The following KDM7A variants were observed in gnomAD, a reference collection of about 807,000 sequenced individuals.
KDM7A encodes lysine demethylase 7A.
Under a neutral mutation model 114.8 loss-of-function variants are expected in KDM7A, and 28 were observed. That is an observed-to-expected ratio of 0.24 (90% CI 0.18 to 0.33). KDM7A has a LOEUF of 0.33. Among genes scored for constraint, KDM7A ranks in the 10% least tolerant of loss-of-function variants. The probability of loss-of-function intolerance (pLI) is 1.00; values close to 1 mark genes in which losing one functional copy is unlikely to be tolerated. For synonymous variants in KDM7A, 423 were observed against 397.8 expected (o/e 1.06, Z -0.75); for missense variants, 942 against 1,142.5 (o/e 0.82, Z 2.53).
intron 1 of KDM7A, among the ~76,000 whole-genome samples, chr7:140,151,213 G>C (rs953034284): frequency 4.6e-5 from 7 of 152,170 alleles, no homozygotes; most frequent in Non-Finnish European, 7.3e-5. Flanking sequence ...AGGAACTATT[G>C]ATCTAAAACT....
chr7:140,106,089 A>G (rs1192437665), intron 11 of KDM7A, among the ~76,000 whole-genome samples: 1 of 152,222 alleles, frequency 6.6e-6, no homozygotes, highest in African/African-American at 2.4e-5. Flanking sequence ...AGGTGTTTAT[A>G]GTATTCTCTG....
intron 10 of KDM7A, 105 bp downstream of exon 10, chr7:140,113,386 C>T (rs989605460): frequency 9.0e-6 from 5 of 553,650 alleles, no homozygotes; most frequent in Non-Finnish European, 1.6e-5. Context: ...GATTTCTATT[C>T]CCTCTACTAC....
At chr7:140,139,722 A>C (rs1794239997) in intron 1 of KDM7A, among the ~76,000 whole-genome samples, 1 of 152,226 alleles carries the variant, frequency 6.6e-6, no homozygotes, top group Non-Finnish European at 1.5e-5. Flanking sequence ...AAACAGCAGA[A>C]ATCAATGACA....
At chr7:140,143,962 T>A (rs2116827142) in intron 1 of KDM7A, among the ~76,000 whole-genome samples, 1 of 152,332 alleles carries the variant, frequency 6.6e-6, no homozygotes, top group East Asian at 1.9e-4. Flanking sequence ...AAATTTCCAA[T>A]TCAATAAATA....
At chr7:140,142,327 G>A (rs1419664369) in intron 1 of KDM7A, among the ~76,000 whole-genome samples, 1 of 151,158 alleles carries the variant, frequency 6.6e-6, no homozygotes, top group Non-Finnish European at 1.5e-5. Context: ...ACTATAAAGA[G>A]TGAAATGATA....
intron 1 of KDM7A, among the ~76,000 whole-genome samples, chr7:140,144,131 T>C (rs1794314275): frequency 6.6e-6 from 1 of 152,176 alleles, no homozygotes; most frequent in Non-Finnish European, 1.5e-5. Context: ...AACAAAGCTA[T>C]GGTAATCAAG....
In KDM7A at chr7:140,096,695, T is replaced by C. The variant is rs1818116936; in HGVS notation, c.2234A>G (p.His745Arg). 2.5e-6 allele frequency: 4 copies of C among 1,614,194 alleles called. No individual in the cohort carries two copies. The highest frequency in any genetic ancestry group is 2.5e-6 in the Non-Finnish European group (3 of 1,180,024). The change falls in exon 17 of 20, where the codon CAC (histidine) becomes CGC (arginine). Residue 745 changes from histidine (H) to arginine (R), a missense_variant. His to Arg is a conservative substitution (Grantham distance 29). This residue lies in a region of KDM7A where 512 missense variants were observed against 576.6 expected (regional missense o/e 0.89). Coordinates refer to ENST00000397560, the MANE Select transcript of KDM7A (RefSeq NM_030647.2). ...TTGCCTTTGTAAACACGTGGAATAG[T>C]GCAACCCTGCCATAGACAGCATGCC... ...IQGMLSMAGLHYSTCLQRQIQ... is the reference protein window; with the variant it reads ...IQGMLSMAGLRYSTCLQRQIQ...
intron 12 of KDM7A, among the ~76,000 whole-genome samples, chr7:140,100,713 T>TATATATATATATATATATACAC (rs1818201148): frequency 5.1e-4 from 17 of 33,082 alleles, no homozygotes; most frequent in South Asian, 1.2e-3. Flanking sequence ...TATATACACA[T>TATATATATATATATATATACAC]ATATATATAT....
intron 1 of KDM7A, among the ~76,000 whole-genome samples, chr7:140,159,191 A>G (rs1034262090): frequency 2.0e-5 from 3 of 151,910 alleles, no homozygotes. Context: ...CTAAAAATAC[A>G]AAAAAATTAG....
intron 11 of KDM7A, among the ~76,000 whole-genome samples, chr7:140,107,517 T>G (rs1201937415): frequency 1.3e-5 from 2 of 152,254 alleles, no homozygotes; most frequent in African/African-American, 4.8e-5. Flanking sequence ...ATTTTATTTC[T>G]CCTTCACTTA....
intron 3 of KDM7A, among the ~76,000 whole-genome samples, chr7:140,129,891 A>G (rs1293198660): frequency 6.6e-6 from 1 of 152,176 alleles, no homozygotes; most frequent in East Asian, 1.9e-4. Flanking sequence ...ATATATATAA[A>G]CTGGTCTAAA....
intron 2 of KDM7A, among the ~76,000 whole-genome samples, chr7:140,137,624 T>C (rs572349270): frequency 6.4e-4 from 98 of 152,354 alleles, no homozygotes; most frequent in Middle Eastern, 3.4e-3. Context: ...CAATTACACA[T>C]GTAACAGTTC....
In KDM7A at chr7:140,084,856, CAA is replaced by C. The variant is rs1817896784; in HGVS notation, c.*6236_*6237del. ...AAAATACACTAAGTGCTAAAAAAATCAAAACAGAAGTAATACAATTTTAATTT... is the reference window on the plus strand; with the variant it reads ...AAAATACACTAAGTGCTAAAAAAATCAACAGAAGTAATACAATTTTAATTT... On this transcript the variant is annotated 3_prime_UTR_variant, in exon 20 of 20. Transcript: ENST00000397560. The C allele has an allele frequency of 6.6e-6, 1 of 151,954 alleles. No individual in the cohort carries two copies. Among genetic ancestry groups the C allele is most frequent in the African/African-American group, 2.4e-5 (1 of 41,312 alleles). The allele number at this position is 151,954 out of a possible 1,614,324, so 9.4% of individuals were successfully genotyped here.
At chr7:140,127,312 A>G in intron 5 of KDM7A, 130 bp downstream of exon 5, 1 of 805,386 alleles carries the variant, frequency 1.2e-6, no homozygotes, top group Non-Finnish European at 2.0e-6. Flanking sequence ...CCCAATGCAA[A>G]ATTTATAACA....
intron 19 of KDM7A, 117 bp from the exon 20 acceptor site, chr7:140,091,305 G>A (rs902714972): frequency 1.4e-6 from 1 of 732,916 alleles, no homozygotes; most frequent in African/African-American, 1.7e-5. Flanking sequence ...GTTCTGCATG[G>A]ACAGAGTCAT....
intron 10 of KDM7A, among the ~76,000 whole-genome samples, chr7:140,112,555 G>C (rs182633890): frequency 6.6e-6 from 1 of 151,676 alleles, no homozygotes; most frequent in Non-Finnish European, 1.5e-5. Flanking sequence ...AGGTTGCAGC[G>C]AGCCGAGATC....
At chr7:140,096,456 G>T in intron 17 of KDM7A, 99 bp downstream of exon 17, 1 of 911,322 alleles carries the variant, frequency 1.1e-6, no homozygotes, top group Non-Finnish European at 1.7e-6. Context: ...TCCAATTAAA[G>T]ATGCTTATTC....
At chr7:140,100,459 C>T (rs572775428) in intron 12 of KDM7A, among the ~76,000 whole-genome samples, 7 of 151,878 alleles carry the variant, frequency 4.6e-5, no homozygotes, top group Non-Finnish European at 7.4e-5. Context: ...ACTGCTACCA[C>T]TAGGAACAAG....
chr7:140,172,826 G>T (rs575872965), intron 1 of KDM7A, among the ~76,000 whole-genome samples: 6 of 152,120 alleles, frequency 3.9e-5, no homozygotes, highest in Admixed American at 3.9e-4. Context: ...TGCATAGAAA[G>T]AATTCCAATT....
Sources: gnomAD v4.1 joint callset for allele counts (sites outside exome capture counted in the v4.1 genomes callset) on GRCh38, gnomAD v4.1.1 for gene constraint, gnomAD v4.1.1 regional missense constraint, MANE v1.5 for transcripts, NCBI Gene and HGNC (gene_info 2026-07-23, HGNC 2026-07-21) for gene names.